Variants in CNTN5 observed in about 807,000 individuals in gnomAD.
CNTN5 encodes the protein contactin-5.
A neutral mutation model predicts 129.1 loss-of-function variants in CNTN5; 77 were observed. The ratio of observed to expected loss-of-function variants is 0.60; its 90% CI spans 0.50 to 0.72. The LOEUF is 0.72. Among genes scored for constraint, CNTN5 ranks in the 30% least tolerant of loss-of-function variants. The pLI is 0.00. For missense variants in CNTN5, 1,478 were observed against 1,328.8 expected (o/e 1.11, Z -1.75); for synonymous variants, 509 against 465.6 (o/e 1.09, Z -1.20).
intron 2 of CNTN5, among the ~76,000 whole-genome samples, chr11:99,495,418 C>A (rs1946188347): frequency 6.6e-6 from 1 of 152,038 alleles, no homozygotes; most frequent in Non-Finnish European, 1.5e-5. Context: ...TAAAACTAAG[C>A]CATTTGCCGT....
chr11:100,164,169 G>A (rs1367010597), intron 13 of CNTN5, among the ~76,000 whole-genome samples: 1 of 151,736 alleles, frequency 6.6e-6, no homozygotes, highest in African/African-American at 2.4e-5. Flanking sequence ...AAGTTTTCAT[G>A]ATTCTCTATG....
intron 2 of CNTN5, among the ~76,000 whole-genome samples, chr11:99,511,368 A>C (rs1335927491): frequency 6.6e-6 from 1 of 152,118 alleles, no homozygotes; most frequent in Non-Finnish European, 1.5e-5. Context: ...TGAGTTTCTT[A>C]ATCCTGAGTT....
chr11:100,184,058 G>A (rs545504154), intron 13 of CNTN5, among the ~76,000 whole-genome samples: 57 of 152,186 alleles, frequency 3.7e-4, no homozygotes, highest in Non-Finnish European at 7.6e-4. Context: ...TCAGTTCTCA[G>A]CTCAAATATT....
intron 4 of CNTN5, among the ~76,000 whole-genome samples, chr11:99,831,211 G>C (rs1288797815): frequency 6.6e-6 from 1 of 152,066 alleles, no homozygotes; most frequent in African/African-American, 2.4e-5. Flanking sequence ...AAATAAATTT[G>C]TTTATTCCTC....
At chr11:99,127,444 T>C (rs1174173654) in intron 1 of CNTN5, among the ~76,000 whole-genome samples, 1 of 152,150 alleles carries the variant, frequency 6.6e-6, no homozygotes, top group East Asian at 1.9e-4. Flanking sequence ...CTTCTAGTCT[T>C]GCCCTTTTGT....
At chr11:99,068,502 A>G (rs1296549450) in intron 1 of CNTN5, among the ~76,000 whole-genome samples, 1 of 152,168 alleles carries the variant, frequency 6.6e-6, no homozygotes, top group African/African-American at 2.4e-5. Flanking sequence ...GTTAGGGGAT[A>G]CAATCTATTG....
rs575620966 is a variant in CNTN5 at position 99,028,947 on chromosome 11, A to G, written c.-210+7677A>G. ...ACATTATTTTAATAATTATAATAAT[A>G]TAGCTAACATAGGGAGTCATATGGA... On this transcript the variant is annotated intron_variant, in intron 1 of 24. Coordinates refer to ENST00000524871, the MANE Select transcript of CNTN5 (RefSeq NM_014361.4). Among the ~76,000 whole-genome samples, 3 of 151,936 alleles carry G rather than the reference A, an allele frequency of 2.0e-5. No homozygotes were observed. The East Asian group carries it at 5.8e-4, about 29-fold the overall frequency.
chr11:99,759,705 G>A (rs1944516791), intron 3 of CNTN5, among the ~76,000 whole-genome samples: 1 of 143,530 alleles, frequency 7.0e-6, no homozygotes, highest in African/African-American at 2.5e-5. Context: ...GGGAGGGAGG[G>A]AGGGAAAGAG....
rs542005531 is a variant in CNTN5 at position 99,793,499 on chromosome 11, C to G, written c.56-26045C>G. 2.6e-5 allele frequency among the ~76,000 whole-genome samples: 4 copies of G among 152,226 alleles called. No individual in the cohort carries two copies. In the South Asian group the frequency reaches 6.2e-4, roughly 24 times the overall value. On this transcript the variant is annotated intron_variant, in intron 3 of 24. Coordinates refer to ENST00000524871, the MANE Select transcript of CNTN5 (RefSeq NM_014361.4). ...GATTTGGGGGTGATTTGCTGTTGTA[C>G]TTCTAGTTCCTCTAGTTGATAATTT...
chr11:100,256,389 G>T (rs766956672), intron 17 of CNTN5, among the ~76,000 whole-genome samples: 10 of 152,044 alleles, frequency 6.6e-5, no homozygotes, highest in Admixed American at 6.6e-5. Context: ...TTATTATGTA[G>T]ACTCAAGTAA....
chr11:100,187,399 A>G (rs1948330888), intron 13 of CNTN5, among the ~76,000 whole-genome samples: 1 of 124,134 alleles, frequency 8.1e-6, no homozygotes, highest in Non-Finnish European at 1.7e-5. Flanking sequence ...TATTCCTATC[A>G]AGCTGCCAAC....
At chr11:100,026,791 T>C (rs1941441417) in intron 9 of CNTN5, among the ~76,000 whole-genome samples, 1 of 152,194 alleles carries the variant, frequency 6.6e-6, no homozygotes, top group African/African-American at 2.4e-5. Flanking sequence ...TTTTATCAGA[T>C]GTCTTTGCAA....
intron 3 of CNTN5, among the ~76,000 whole-genome samples, chr11:99,792,872 G>T (rs560157267): frequency 2.6e-5 from 4 of 152,142 alleles, no homozygotes; most frequent in African/African-American, 9.6e-5. Context: ...ATGTTTCCAG[G>T]AACTTATCTG....
At chr11:99,320,191 G>GAGATT (rs1332606020) in intron 1 of CNTN5, among the ~76,000 whole-genome samples, 2 of 152,120 alleles carry the variant, frequency 1.3e-5, no homozygotes, top group East Asian at 3.9e-4. Context: ...GCAGTGAGCT[G>GAGATT]AGATTACACC....
chr11:100,148,642 G>GAGATGC (rs1276037919), intron 13 of CNTN5, among the ~76,000 whole-genome samples: 1 of 152,130 alleles, frequency 6.6e-6, no homozygotes, highest in African/African-American at 2.4e-5. Context: ...TGCCTTCTGT[G>GAGATGC]AGATGCATGA....
At chr11:99,920,259 G>A (rs1247772089) in intron 7 of CNTN5, among the ~76,000 whole-genome samples, 2 of 151,896 alleles carry the variant, frequency 1.3e-5, no homozygotes, top group African/African-American at 4.8e-5. Context: ...AATCTCCTTT[G>A]CTGATTTGTC....
chr11:99,423,276 A>G (rs1423258115), intron 2 of CNTN5, among the ~76,000 whole-genome samples: 2 of 152,136 alleles, frequency 1.3e-5, no homozygotes, highest in Non-Finnish European at 1.5e-5. Flanking sequence ...TATCTTTATG[A>G]CAGGAGTTAG....
chr11:99,262,314 G>A (rs1862670365), intron 1 of CNTN5, among the ~76,000 whole-genome samples: 1 of 151,948 alleles, frequency 6.6e-6, no homozygotes, highest in South Asian at 2.1e-4. Context: ...CCTTAAAACA[G>A]TACTTGAAAT....
Position 100,308,407 on chromosome 11 carries a change from C to T in CNTN5, c.2669C>T (p.Ser890Leu). The T allele has an allele frequency of 6.2e-7, 1 of 1,611,104 alleles. No homozygotes were observed. The change falls in exon 21 of 25, where the codon TCA becomes TTA. Residue 890 changes from serine to leucine, a missense_variant. By Grantham distance (145) the Ser-to-Leu change is moderately radical (BLOSUM62 -2). Transcript: ENST00000524871. ...TDVKATSVSV[S>L]EILVAWKHIK... is the part of the protein sequence containing the mutation. ...GTCAAGGCGACAAGTGTGTCTGTGT[C>T]AGAGATTCTTGTTGCATGGAAACAC...
Sources: allele counts gnomAD v4.1 joint callset (sites outside exome capture counted in the v4.1 genomes callset), GRCh38; gene constraint gnomAD v4.1.1; transcripts MANE v1.5; gene names NCBI Gene and HGNC (gene_info 2026-07-23, HGNC 2026-07-21).